Variants in F5 observed in about 807,000 individuals in gnomAD.
F5 encodes activated protein c cofactor.
A neutral mutation model predicts 216.4 loss-of-function variants in F5; 138 were observed. The observed-to-expected ratio is 0.64, with a 90% confidence interval of 0.56 to 0.73. The LOEUF is 0.73. Ranked by LOEUF, F5 falls within the 30% of genes least tolerant of loss-of-function variation. The pLI is 0.00. For missense variants in F5, 2,403 were observed against 2,674.0 expected (o/e 0.90, Z 2.24); for synonymous variants, 916 against 930.7 (o/e 0.98, Z 0.29).
intron 14 of F5, among the ~76,000 whole-genome samples, chr1:169,534,379 A>G (rs1479722746): frequency 1.3e-5 from 2 of 152,124 alleles, no homozygotes; most frequent in South Asian, 2.1e-4. Flanking sequence ...AAGAAAATAA[A>G]TTGTTCAGCC....
At position 169,542,243 on chromosome 1, in the gene F5, CA is replaced by C. The variant is rs751117808; in HGVS notation, c.2846del (p.Leu949TrpfsTer10). 1 of 1,614,078 alleles carries C rather than the reference CA, an allele frequency of 6.2e-7. No individual in the cohort carries two copies. Among genetic ancestry groups the C allele is most frequent in the East Asian group, 2.2e-5 (1 of 44,866 alleles). On this transcript the variant is annotated frameshift_variant, in exon 13 of 25. Transcript: ENST00000367797. LOFTEE classifies it high-confidence loss of function. Reference protein sequence around the residue: ...SSKILVGRWHLASEKGSYEII... With the variant: ...SSKILVGRWHXASEKGSYEII... ...TTTCATAGCTACCTTTCTCAGAAGC[CA>C]AATGCCATCTCCCAACCAAAATCTT... is the stretch of plus-strand genomic sequence containing the variant.
At chr1:169,555,128 C>T in intron 7 of F5, 54 bp downstream of exon 7, 2 of 1,598,498 alleles carry the variant, frequency 1.3e-6, no homozygotes, top group Admixed American at 1.7e-5. Context: ...CATCTAGGAC[C>T]CTATGGAATG....
At position 169,512,935 on chromosome 1, in the gene F5, C is replaced by G. The variant is rs1659064951; in HGVS notation, c.*1378G>C. Reference sequence around the variant, plus strand: ...GAATAGAATGCAGCAAAAGCAAAGCCCTGTCTCCTAGAGATTCTGGTATGT... The same window carrying G: ...GAATAGAATGCAGCAAAAGCAAAGCGCTGTCTCCTAGAGATTCTGGTATGT... On this transcript the variant is annotated 3_prime_UTR_variant, in exon 25 of 25. Coordinates refer to ENST00000367797, the MANE Select transcript of F5 (RefSeq NM_000130.5). 6.6e-6 allele frequency among the ~76,000 whole-genome samples: 1 copy of G among 151,942 alleles called. No individual in the cohort carries two copies. Among genetic ancestry groups the G allele is most frequent in the Admixed American group, 6.6e-5 (1 of 15,208 alleles).
At position 169,515,449 on chromosome 1, in the gene F5, C is replaced by T; in HGVS notation, c.6523G>A (p.Asp2175Asn). ...KPYRLKSSMV[D>N]KIFEGNTNTK... Reference sequence around the variant, plus strand: ...TTGCCCAGATGCCACTCTACCTTGTCCACCATGGAGGATTTCAGCCTGTAT... The same window carrying T: ...TTGCCCAGATGCCACTCTACCTTGTTCACCATGGAGGATTTCAGCCTGTAT... Residue 2175 changes from aspartate to asparagine, a missense_variant, in exon 24 of 25, where the codon GAC becomes AAC. Physicochemically the swap from Asp to Asn is conservative, Grantham distance 23 (BLOSUM62 1). This residue lies in a region of F5 where 659 missense variants were observed against 787.9 expected (regional missense o/e 0.84). Coordinates refer to ENST00000367797, the MANE Select transcript of F5 (RefSeq NM_000130.5). 2 of 1,613,228 alleles carry T rather than the reference C, an allele frequency of 1.2e-6. No homozygotes were observed. The highest frequency in any genetic ancestry group is 1.7e-6 in the Non-Finnish European group (2 of 1,179,542).
In F5 at chr1:169,550,091, G is replaced by A. The variant is rs563121088; in HGVS notation, c.1397-76C>T. 2.5e-4 allele frequency: 300 copies of A among 1,181,140 alleles called. 1 individual carries two copies. The highest frequency in any genetic ancestry group is 1.1e-3 in the Middle Eastern group (4 of 3,630). The allele number at this position is 1,181,140 out of a possible 1,614,324, so 73.2% of individuals were successfully genotyped here. On this transcript the variant is annotated intron_variant, in intron 9 of 24. Coordinates refer to ENST00000367797, the MANE Select transcript of F5 (RefSeq NM_000130.5). Reference sequence around the variant, plus strand: ...ATAATAAATAAATAAATAAGCTTTCGCTGGAACCAATTAATATTGCAAAAG... The same window carrying A: ...ATAATAAATAAATAAATAAGCTTTCACTGGAACCAATTAATATTGCAAAAG...
In F5 at chr1:169,515,528, C is replaced by T; in HGVS notation, c.6444G>A (p.Met2148Ile). Residue 2148 changes from methionine to isoleucine, a missense_variant, in exon 24 of 25, where the codon ATG (methionine) becomes ATA (isoleucine). Met to Ile is a conservative substitution (Grantham distance 10). This residue lies in a region of F5 where 659 missense variants were observed against 787.9 expected (regional missense o/e 0.84). Transcript: ENST00000367797. The part of the protein sequence containing the change: ...TQGCKSLSSE[M>I]YVKSYTIHYS... The stretch of plus-strand genomic sequence containing the variant: ...AGTGGATGGTATAGCTCTTTACATA[C>T]ATTTCAGAGGACAGAGACTTGCAGC... The T allele has an allele frequency of 6.2e-7, 1 of 1,613,658 alleles. No homozygotes were observed. The highest frequency in any genetic ancestry group is 8.5e-7 in the Non-Finnish European group (1 of 1,179,684).
intron 8 of F5, among the ~76,000 whole-genome samples, chr1:169,551,902 A>G (rs1422607049): frequency 6.6e-6 from 1 of 152,260 alleles, no homozygotes; most frequent in African/African-American, 2.4e-5. Context: ...CCTTCATCAG[A>G]GTCCAACCAT....
At chr1:169,546,419 A>T in intron 11 of F5, 23 bp downstream of exon 11, 1 of 1,613,932 alleles carries the variant, frequency 6.2e-7, no homozygotes, top group Non-Finnish European at 8.5e-7. Context: ...AAACTGATGA[A>T]CAAAAATAGT....
At chr1:169,521,615 A>ATTTTTTTTTTTTTTTTTTTTTTTTTTTT in intron 21 of F5, among the ~76,000 whole-genome samples, 1 of 106,268 alleles carries the variant, frequency 9.4e-6, no homozygotes, top group Admixed American at 1.1e-4. Context: ...CTGTGAAAAG[A>ATTTTTTTTTTTTTTTTTTTTTTTTTTTT]TTTTTTTTTT....
chr1:169,534,225 G>A (rs1049989989), intron 14 of F5, among the ~76,000 whole-genome samples: 3 of 152,116 alleles, frequency 2.0e-5, no homozygotes, highest in Non-Finnish European at 4.4e-5. Flanking sequence ...CGGGGAGCTC[G>A]GTTGTTGGAG....
At chr1:169,521,513 A>T (rs950235626) in intron 21 of F5, among the ~76,000 whole-genome samples, 2 of 152,172 alleles carry the variant, frequency 1.3e-5, no homozygotes, top group African/African-American at 4.8e-5. Flanking sequence ...TGTCAGAAAA[A>T]GCCAACTTTT....
chr1:169,544,648 A>G (rs1467229820), intron 11 of F5, 140 bp from the exon 12 acceptor site: 1 of 725,080 alleles, frequency 1.4e-6, no homozygotes, highest in African/African-American at 1.7e-5. Context: ...TATCTAGTCT[A>G]ACATGTGACT....
chr1:169,578,161 A>T (rs941106272), intron 2 of F5, among the ~76,000 whole-genome samples: 1 of 152,190 alleles, frequency 6.6e-6, no homozygotes, highest in Non-Finnish European at 1.5e-5. Flanking sequence ...CCACTCCTGC[A>T]CTTCATAAGT....
At chr1:169,529,167 G>T (rs565933653) in intron 16 of F5, among the ~76,000 whole-genome samples, 1 of 152,108 alleles carries the variant, frequency 6.6e-6, no homozygotes, top group Non-Finnish European at 1.5e-5. Context: ...GTGCCACCTG[G>T]TAGCTGCTGA....
At chr1:169,528,680 G>A (rs1375488810) in intron 16 of F5, among the ~76,000 whole-genome samples, 2 of 152,084 alleles carry the variant, frequency 1.3e-5, no homozygotes, top group Non-Finnish European at 2.9e-5. Context: ...GGGTTCTCAG[G>A]CTTTATCTAC....
intron 21 of F5, among the ~76,000 whole-genome samples, 195 bp downstream of exon 21, chr1:169,523,002 C>A (rs1659346761): frequency 6.7e-6 from 1 of 148,458 alleles, no homozygotes; most frequent in African/African-American, 2.5e-5. Context: ...GTTTCAGTAA[C>A]CCTGCTTCTC....
chr1:169,543,976 C>A (rs1659934634), intron 12 of F5, among the ~76,000 whole-genome samples: 1 of 152,152 alleles, frequency 6.6e-6, no homozygotes, highest in African/African-American at 2.4e-5. Context: ...CCGAATAGGG[C>A]ATTTTGATAA....
intron 13 of F5, among the ~76,000 whole-genome samples, chr1:169,537,284 G>A (rs1198546297): frequency 6.6e-6 from 1 of 152,172 alleles, no homozygotes; most frequent in Non-Finnish European, 1.5e-5. Flanking sequence ...GGGCTATCAG[G>A]TGACAATGGT....
At chr1:169,532,638 A>ACACG (rs1359130903) in intron 14 of F5, among the ~76,000 whole-genome samples, 1 of 152,070 alleles carries the variant, frequency 6.6e-6, no homozygotes, top group East Asian at 1.9e-4. Context: ...AGCCACACAC[A>ACACG]CATACAAAAT....
Sources: gnomAD v4.1 joint callset for allele counts (sites outside exome capture counted in the v4.1 genomes callset) on GRCh38, gnomAD v4.1.1 for gene constraint, gnomAD v4.1.1 regional missense constraint, MANE v1.5 for transcripts, NCBI Gene and HGNC (gene_info 2026-07-23, HGNC 2026-07-21) for gene names.